Variants in NLRC5 observed in about 807,000 individuals in gnomAD.
NLRC5 encodes protein NLRC5.
A neutral mutation model predicts 206.9 loss-of-function variants in NLRC5; 114 were observed. The ratio of observed to expected loss-of-function variants is 0.55; its 90% confidence interval spans 0.47 to 0.64. NLRC5 has a LOEUF of 0.64. NLRC5 is among the 30% of genes least tolerant of loss of function. The pLI, the probability that NLRC5 is intolerant of heterozygous loss-of-function variation, is 0.00. For missense variants in NLRC5, 2,008 were observed against 2,305.5 expected, an observed-to-expected ratio of 0.87 and a Z score of 2.64; for synonymous variants, 952 against 962.8, an observed-to-expected ratio of 0.99 and a Z score of 0.21.
Position 57,061,580 on chromosome 16 carries a change from C to T in NLRC5, c.4071-38C>T, listed in dbSNP as rs1330493793. On this transcript the variant is annotated intron_variant, in intron 31 of 48. Coordinates refer to ENST00000688547, the MANE Select transcript of NLRC5 (RefSeq NM_001384950.1). ...AGGACAGCAGAGGGGTGGGGGCACC[C>T]TGCCAGAGCCACCTCAGTGACTGAC... The T allele has an allele frequency of 2.5e-6, 4 of 1,608,908 alleles. No homozygotes were observed. The African/African-American group carries it at 4.0e-5, about 16-fold the overall frequency.
At chr16:57,034,774 A>T (rs1428850) in intron 13 of NLRC5, 88,925 of 152,258 alleles carry the variant, frequency 0.58, 26,404 homozygotes, top group Middle Eastern at 0.65. Flanking sequence ...GGGATGGAGA[A>T]ATTCCCATGG....
chr16:57,034,318 C>T (rs1282617232), intron 13 of NLRC5, 67 bp downstream of exon 13: 5 of 1,039,780 alleles, frequency 4.8e-6, no homozygotes, highest in South Asian at 1.3e-5. Flanking sequence ...GGCAGGGCCT[C>T]GCCTTTGGGT....
Position 57,069,866 on chromosome 16 carries a change from C to T in NLRC5, c.4530C>T (p.Gly1510=), listed in dbSNP as rs765562827. ...CCTCCAGCTGTGTGAGCACCGAGGG[C>T]CTCGCCCACCTGGCATCTGGTCTGG... ...RLTSSCVSTE[G]LAHLASGLGH... Residue 1510 remains glycine (G), a synonymous_variant, in exon 37 of 49, where the codon GGC becomes GGT. Coordinates refer to ENST00000688547, the MANE Select transcript of NLRC5 (RefSeq NM_001384950.1). 40 of 1,602,026 alleles carry T rather than the reference C, an allele frequency of 2.5e-5. No individual in the cohort carries two copies. In the East Asian group the frequency reaches 3.6e-4, roughly 14 times the overall value.
Position 57,082,518 on chromosome 16 carries a change from G to A in NLRC5, c.5591G>A (p.Trp1864Ter). 1 of 1,612,894 alleles carries A rather than the reference G, an allele frequency of 6.2e-7. No homozygotes were observed. The highest frequency in any genetic ancestry group is 8.5e-7 in the Non-Finnish European group (1 of 1,179,208). The change falls in exon 49 of 49, where the codon TGG becomes TAG. Residue 1864 changes from tryptophan to a stop codon, truncating the protein, a stop_gained. Coordinates refer to ENST00000688547, the MANE Select transcript of NLRC5 (RefSeq NM_001384950.1). LOFTEE classifies it high-confidence loss of function. ...AFFDNQPQAP[W>*]GT ...TTTGACAACCAGCCCCAGGCCCCTT[G>A]GGGTACTTGATGGCCCCCTCAAGAC...
chr16:57,080,434 T>C (rs1172059450), intron 46 of NLRC5, among the ~76,000 whole-genome samples: 1 of 151,738 alleles, frequency 6.6e-6, no homozygotes. Context: ...ATGGAGTCTG[T>C]AACACAAGTT....
intron 5 of NLRC5, 71 bp downstream of exon 5, chr16:57,023,924 G>A: frequency 1.4e-6 from 2 of 1,403,080 alleles, no homozygotes; most frequent in Non-Finnish European, 2.0e-6. Flanking sequence ...CCGGACCCTG[G>A]ACCTTGTCCC....
At chr16:57,081,038 G>A (rs1433948674) in intron 46 of NLRC5, 60 bp from the exon 47 acceptor site, 11 of 1,466,194 alleles carry the variant, frequency 7.5e-6, no homozygotes, top group Non-Finnish European at 8.3e-6. Flanking sequence ...TCACTGCCTT[G>A]TCTCCACCCC....
At chr16:57,064,199 T>C in intron 32 of NLRC5, among the ~76,000 whole-genome samples, 1 of 151,844 alleles carries the variant, frequency 6.6e-6, no homozygotes, top group East Asian at 1.9e-4. Context: ...AAACCCCATA[T>C]CTACAAAAAA....
At chr16:57,024,869 G>T (rs1401030146) in intron 5 of NLRC5, among the ~76,000 whole-genome samples, 1 of 152,106 alleles carries the variant, frequency 6.6e-6, no homozygotes, top group Non-Finnish European at 1.5e-5. Context: ...AATTAGCTGG[G>T]TGTGGTGGTG....
chr16:57,079,116 C>A lies in NLRC5; in HGVS notation c.5148C>A (p.Pro1716=), dbSNP rs917549713. The change falls in exon 44 of 49, where the codon CCC becomes CCA. Residue 1716 remains proline, a synonymous_variant. Transcript: ENST00000688547. Reference sequence around the variant, plus strand: ...TGGCCCAGGCCCTGGATGGATCCCCCCATTTGGAAGAGATCAGGTAAGTAG... The same window carrying A: ...TGGCCCAGGCCCTGGATGGATCCCCACATTTGGAAGAGATCAGGTAAGTAG... ...LSLAQALDGS[P]HLEEISLAEN... 9 of 1,614,030 alleles carry A rather than the reference C, an allele frequency of 5.6e-6. No homozygotes were observed. Among genetic ancestry groups the A allele is most frequent in the Middle Eastern group, 1.6e-4 (1 of 6,084 alleles).
At chr16:57,078,479 T>G (rs1264410517) in intron 43 of NLRC5, among the ~76,000 whole-genome samples, 2 of 146,310 alleles carry the variant, frequency 1.4e-5, no homozygotes, top group East Asian at 2.0e-4. Flanking sequence ...TTTTTTTTTT[T>G]TTTTTTTTTT....
rs576482284 is a variant in NLRC5, at chr16:57,039,912, C to T, written c.2870+63C>T. The T allele has an allele frequency of 8.7e-6, 12 of 1,385,538 alleles. No individual in the cohort carries two copies. In the African/African-American group the frequency reaches 1.7e-4, roughly 20 times the overall value. The allele number at this position is 1,385,538 out of a possible 1,614,324, so 85.8% of individuals were successfully genotyped here. On this transcript the variant is annotated intron_variant, in intron 16 of 48. Transcript: ENST00000688547. Reference sequence around the variant, plus strand: ...GGGACATTCCCCTCTCTACCCTCCACAGCTGGGCAGTGCCAGTCAGTCAAC... The same window carrying T: ...GGGACATTCCCCTCTCTACCCTCCATAGCTGGGCAGTGCCAGTCAGTCAAC...
chr16:57,056,704 G>A (rs935822035), intron 27 of NLRC5, among the ~76,000 whole-genome samples: 9 of 151,676 alleles, frequency 5.9e-5, no homozygotes, highest in African/African-American at 2.2e-4. Flanking sequence ...TGCTGCCCAG[G>A]CTGGAATGCA....
intron 32 of NLRC5, 98 bp downstream of exon 32, chr16:57,061,799 A>G: frequency 6.5e-7 from 1 of 1,544,234 alleles, no homozygotes; most frequent in Non-Finnish European, 8.7e-7. Context: ...GGCCCCAGTC[A>G]TTTCCTGTAC....
intron 1 of NLRC5, among the ~76,000 whole-genome samples, chr16:56,999,925 G>A (rs184656668): frequency 1.6e-4 from 25 of 152,332 alleles, no homozygotes; most frequent in Admixed American, 1.4e-3. Flanking sequence ...CCCAGACATC[G>A]GCACATGGGG....
chr16:57,059,683 C>T (rs2066164485), intron 30 of NLRC5, 151 bp downstream of exon 30: 3 of 704,800 alleles, frequency 4.3e-6, no homozygotes, highest in Non-Finnish European at 4.4e-6. Flanking sequence ...CCAGATCTGC[C>T]CCCGATGCCC....
At chr16:57,023,994 GA>G in intron 5 of NLRC5, 141 bp downstream of exon 5, 1 of 789,928 alleles carries the variant, frequency 1.3e-6, no homozygotes. Context: ...AGGAGAAAAG[GA>G]CTGGAGGTCT....
chr16:57,040,794 T>C, intron 17 of NLRC5, 76 bp downstream of exon 17: 1 of 1,430,826 alleles, frequency 7.0e-7, no homozygotes, highest in Non-Finnish European at 9.8e-7. Flanking sequence ...CTCCCAAACC[T>C]GTGCCCAGGC....
intron 45 of NLRC5, 85 bp from the exon 46 acceptor site, chr16:57,079,461 A>G: frequency 7.1e-7 from 1 of 1,402,462 alleles, no homozygotes; most frequent in Non-Finnish European, 1.0e-6. Context: ...CTTACCCCAG[A>G]CCCTGGTGGC....
Sources: gnomAD v4.1 joint callset for allele counts (sites outside exome capture counted in the v4.1 genomes callset) on GRCh38, gnomAD v4.1.1 for gene constraint, MANE v1.5 for transcripts, NCBI Gene and HGNC (gene_info 2026-07-23, HGNC 2026-07-21) for gene names.